MKI67: variants seen among roughly 807,000 people sequenced by gnomAD.
MKI67 encodes proliferation marker protein Ki-67.
A neutral mutation model predicts 233.5 loss-of-function variants in MKI67; 152 were observed. The observed-to-expected ratio is 0.65, with a 90% CI of 0.57 to 0.74. The LOEUF is 0.74. MKI67 is among the 30% of genes least tolerant of loss of function. MKI67 has a pLI of 0.00. For missense variants in MKI67, 3,940 were observed against 3,885.2 expected (o/e 1.01, Z -0.37); for synonymous variants, 1,465 against 1,418.5 (o/e 1.03, Z -0.74).
chr10:128,100,922 A>G (rs1335701806), intron 14 of MKI67, among the ~76,000 whole-genome samples: 1 of 152,228 alleles, frequency 6.6e-6, no homozygotes, highest in Non-Finnish European at 1.5e-5. Flanking sequence ...GTGATTTTGA[A>G]CTACAGAAAG....
chr10:128,114,820 T>TA (rs1337733391), intron 7 of MKI67, 108 bp downstream of exon 7: 8 of 1,145,362 alleles, frequency 7.0e-6, no homozygotes, highest in Non-Finnish European at 7.4e-6. Flanking sequence ...CTTATGTGCT[T>TA]ACATTCTCTT....
intron 2 of MKI67, among the ~76,000 whole-genome samples, chr10:128,123,913 G>A (rs1231586084): frequency 6.6e-6 from 1 of 152,192 alleles, no homozygotes; most frequent in Non-Finnish European, 1.5e-5. Flanking sequence ...AATCAGAAGA[G>A]TTTGTTAGTA....
At position 128,107,571 on chromosome 10, in the gene MKI67, T is replaced by A. The variant is rs1462816316; in HGVS notation, c.4269A>T (p.Val1423=). 1 of 1,614,156 alleles carries A rather than the reference T, an allele frequency of 6.2e-7. No homozygotes were observed. Among genetic ancestry groups the A allele is most frequent in the Non-Finnish European group, 8.5e-7 (1 of 1,180,028 alleles). The change falls in exon 13 of 15, where the codon GTA becomes GTT. Residue 1423 remains valine (V), a synonymous_variant. Coordinates refer to ENST00000368654, the MANE Select transcript of MKI67 (RefSeq NM_002417.5). ...TGATGCTTTTATCCTCACCTCCTGG[T>A]ACTTTATCTGTGTGTGTGGTTTCCC... is the stretch of plus-strand genomic sequence containing the variant. ...TSGETTHTDK[V]PGGEDKSINA... is the part of the protein sequence containing the mutation.
chr10:128,106,399 C>T lies in MKI67; in HGVS notation c.5441G>A (p.Gly1814Asp). The T allele has an allele frequency of 6.2e-7, 1 of 1,613,906 alleles. No homozygotes were observed. The highest frequency in any genetic ancestry group is 8.5e-7 in the Non-Finnish European group (1 of 1,180,000). ...QKLDQPGNLP[G>D]SNRRLQTRKE... The stretch of plus-strand genomic sequence containing the variant: ...ACGAGTTTGTAGCCGTCTATTGCTG[C>T]CAGGTAAATTTCCTGGCTGGTCCAG... Residue 1814 changes from glycine (G) to aspartate (D), a missense_variant, in exon 13 of 15, where the codon GGC (glycine) becomes GAC (aspartate). By Grantham distance (94) the Gly-to-Asp change is moderately conservative. Transcript: ENST00000368654.
At chr10:128,124,344 T>C (rs2136153161) in intron 2 of MKI67, among the ~76,000 whole-genome samples, 1 of 152,326 alleles carries the variant, frequency 6.6e-6, no homozygotes, top group South Asian at 2.1e-4. Flanking sequence ...TTGGCACTGT[T>C]GACATCTTGG....
Position 128,114,953 on chromosome 10 carries a change from A to T in MKI67, c.1455T>A (p.Asp485Glu), listed in dbSNP as rs746752826. The change falls in exon 7 of 15, where the codon GAT (aspartate) becomes GAA (glutamate). Residue 485 changes from aspartate (D) to glutamate (E), a missense_variant. Coordinates refer to ENST00000368654, the MANE Select transcript of MKI67 (RefSeq NM_002417.5). ...CSGLPGLSSVDINNFGDSINE... is the reference protein window; with the variant it reads ...CSGLPGLSSVEINNFGDSINE... ...TAATGGAATCACCAAAGTTGTTGATATCAACTGAACTAAGACCAGGTAACC... is the reference window on the plus strand; with the variant it reads ...TAATGGAATCACCAAAGTTGTTGATTTCAACTGAACTAAGACCAGGTAACC... The T allele has an allele frequency of 1.3e-5, 21 of 1,558,898 alleles. No individual in the cohort carries two copies. Among genetic ancestry groups the T allele is most frequent in the Non-Finnish European group, 1.8e-5 (21 of 1,152,424 alleles).
At position 128,104,714 on chromosome 10, in the gene MKI67, G is replaced by A. The variant is rs201490703; in HGVS notation, c.7126C>T (p.Leu2376Phe). The part of the protein sequence containing the change: ...KADVEEEFLA[L>F]RKRTPSAGKA... ...CCTGCTGATGGTGTTCGTTTCCTGA[G>A]TGCTAAAAATTCTTCCTCTACGTCT... is the stretch of plus-strand genomic sequence containing the variant. Residue 2376 changes from leucine (L) to phenylalanine (F), a missense_variant, in exon 13 of 15, where the codon CTC (leucine) becomes TTC (phenylalanine). Transcript: ENST00000368654. 13 of 1,613,980 alleles carry A rather than the reference G, an allele frequency of 8.1e-6. No individual in the cohort carries two copies. Among genetic ancestry groups the A allele is most frequent in the South Asian group, 7.7e-5 (7 of 91,080 alleles).
chr10:128,117,191 T>C (rs1230404655), intron 5 of MKI67, among the ~76,000 whole-genome samples: 4 of 151,958 alleles, frequency 2.6e-5, no homozygotes, highest in Non-Finnish European at 5.9e-5. Flanking sequence ...AAACATCACC[T>C]ATACTGAAGA....
chr10:128,120,740 C>A (rs1161704477), intron 4 of MKI67, among the ~76,000 whole-genome samples: 1 of 151,980 alleles, frequency 6.6e-6, no homozygotes, highest in African/African-American at 2.4e-5. Flanking sequence ...ACAAGAGACG[C>A]AATTTTGATT....
At position 128,109,093 on chromosome 10, in the gene MKI67, T is replaced by C; in HGVS notation, c.2747A>G (p.Gln916Arg). Residue 916 changes from glutamine (Q) to arginine (R), a missense_variant, in exon 13 of 15, where the codon CAA becomes CGA. Gln to Arg is a conservative substitution (Grantham distance 43). Transcript: ENST00000368654. ...KRGQKATLLQ[Q>R]RREGEMKEIE... is the part of the protein sequence containing the mutation. The stretch of plus-strand genomic sequence containing the variant: ...TTCCTTCATCTCTCCTTCTCTCCTT[T>C]GTTGTAGTAGTGTTGCCTTCTGACC... The C allele has an allele frequency of 6.2e-7, 1 of 1,614,268 alleles. No individual in the cohort carries two copies. Among genetic ancestry groups the C allele is most frequent in the South Asian group, 1.1e-5 (1 of 91,088 alleles).
rs776377194 is a variant in MKI67 at position 128,108,813 on chromosome 10, T to C, written c.3027A>G (p.Ser1009=). 2 of 1,614,222 alleles carry C rather than the reference T, an allele frequency of 1.2e-6. No individual in the cohort carries two copies. The highest frequency in any genetic ancestry group is 1.1e-5 in the South Asian group (1 of 91,088). Residue 1009 remains serine, a synonymous_variant, in exon 13 of 15, where the codon TCA becomes TCG. Transcript: ENST00000368654. The part of the protein sequence containing the change: ...KGKITKMPCQ[S]LQPEPINTPT... ...GGGTGTTTATTGGTTCTGGTTGTAA[T>C]GACTGGCAGGGCATTTTAGTGATTT... is the stretch of plus-strand genomic sequence containing the variant.
rs1178020911 is a variant in MKI67, at chr10:128,125,787, C to T, written c.-89-31G>A. 4.7e-6 allele frequency: 4 copies of T among 846,206 alleles called. No individual in the cohort carries two copies. Among genetic ancestry groups the T allele is most frequent in the Admixed American group, 3.9e-5 (2 of 51,026 alleles). 52.4% of individuals were successfully genotyped at this position (846,206 alleles called of 1,614,324 possible). A position where few individuals can be genotyped will look rare whatever the true frequency, so the allele number is the denominator to read the frequency against. On this transcript the variant is annotated intron_variant, in intron 1 of 14. Transcript: ENST00000368654. This position sits in a 1 kb window ranked among gnomAD's most constrained non-coding sequence, Gnocchi z 5.3. ...AAAGAGGTGCGAGTTACTCTGATAG[C>T]AAAGGAGCTAAGAAGGGCCCCGTGC...
Position 128,113,562 on chromosome 10 carries a change from G to T in MKI67, c.1521C>A (p.Ser507=). The change falls in exon 8 of 15, where the codon TCC becomes TCA. Residue 507 remains serine, a synonymous_variant. Transcript: ENST00000368654. ...GTTCAGGTCTTAGGTGCCCACCAAA[G>T]GACACACGCCTTCTTTTCAAAGGTA... ...EGIPLKRRRV[S]FGGHLRPELF... is the part of the protein sequence containing the mutation. 1 of 1,614,162 alleles carries T rather than the reference G, an allele frequency of 6.2e-7. No homozygotes were observed. The highest frequency in any genetic ancestry group is 8.5e-7 in the Non-Finnish European group (1 of 1,180,028).
chr10:128,123,096 G>A lies in MKI67; in HGVS notation c.166C>T (p.Gln56Ter). 6.2e-7 allele frequency: 1 copy of A among 1,613,378 alleles called. No homozygotes were observed. The highest frequency in any genetic ancestry group is 2.2e-5 in the East Asian group (1 of 44,830). Residue 56 changes from glutamine (Q) to a stop codon, truncating the protein, a stop_gained, in exon 3 of 15, where the codon CAG (glutamine) becomes TAG (stop). Coordinates refer to ENST00000368654, the MANE Select transcript of MKI67 (RefSeq NM_002417.5). LOFTEE classifies it high-confidence loss of function. ...KQHCKIEIHEQEAILHNFSST... is the reference protein window; with the variant it reads ...KQHCKIEIHE ...TCTTCAAAAAACCCACTCACCTCCT[G>A]CTCATGGATTTCAATTTTGCAATGT...
chr10:128,113,691 A>G, intron 7 of MKI67, 89 bp from the exon 8 acceptor site: 1 of 1,232,974 alleles, frequency 8.1e-7, no homozygotes, highest in Non-Finnish European at 1.2e-6. Flanking sequence ...AAGACAAACC[A>G]AGTGAAAAGT....
At position 128,111,676 on chromosome 10, in the gene MKI67, G is replaced by T. The variant is rs1174702351; in HGVS notation, c.2229C>A (p.Asn743Lys). 6.2e-7 allele frequency: 1 copy of T among 1,607,578 alleles called. No homozygotes were observed. The highest frequency in any genetic ancestry group is 1.1e-5 in the South Asian group (1 of 89,386). The change falls in exon 11 of 15, where the codon AAC becomes AAA. Residue 743 changes from asparagine to lysine, a missense_variant. Coordinates refer to ENST00000368654, the MANE Select transcript of MKI67 (RefSeq NM_002417.5). ...GATCTTCCTTAAAGTCCATTTTTTG[G>T]TTGGAAATGAAGTTGTTGAGCACTC... is the stretch of plus-strand genomic sequence containing the variant. ...PYRVLNNFIS[N>K]QKMDFKEDLS...
In MKI67 at chr10:128,119,257, T is replaced by A; in HGVS notation, c.350A>T (p.Glu117Val). 1.2e-6 allele frequency: 2 copies of A among 1,603,130 alleles called. No homozygotes were observed. Among genetic ancestry groups the A allele is most frequent in the South Asian group, 2.2e-5 (2 of 90,694 alleles). Reference protein sequence around the residue: ...KSTEFPRKIREQEPARRVSRS... With the variant: ...KSTEFPRKIRVQEPARRVSRS... ...AACTTGGATATTTTCTATCACCTGT[T>A]CACGTATTTTTCTTGGAAATTCAGT... is the stretch of plus-strand genomic sequence containing the variant. The change falls in exon 5 of 15, where the codon GAA becomes GTA. Residue 117 changes from glutamate (E) to valine (V), a missense_variant. Physicochemically the swap from Glu to Val is moderately radical, Grantham distance 121. Coordinates refer to ENST00000368654, the MANE Select transcript of MKI67 (RefSeq NM_002417.5).
Position 128,113,488 on chromosome 10 carries a change from G to C in MKI67, c.1595C>G (p.Ala532Gly). 1 of 1,614,114 alleles carries C rather than the reference G, an allele frequency of 6.2e-7. No individual in the cohort carries two copies. The highest frequency in any genetic ancestry group is 8.5e-7 in the Non-Finnish European group (1 of 1,180,020). The change falls in exon 8 of 15, where the codon GCC becomes GGC. Residue 532 changes from alanine (A) to glycine (G), a missense_variant. Ala to Gly is a moderately conservative substitution (Grantham distance 60, BLOSUM62 0). Coordinates refer to ENST00000368654, the MANE Select transcript of MKI67 (RefSeq NM_002417.5). ...PPNTPLKRGE[A>G]PTKRKSLVMH... ...TACCAGAGACTTTCTTTTGGTTGGGGCTTCTCCCCTTTTGAGAGGCGTATT... is the reference window on the plus strand; with the variant it reads ...TACCAGAGACTTTCTTTTGGTTGGGCCTTCTCCCCTTTTGAGAGGCGTATT...
At chr10:128,122,241 C>G (rs1427661484) in intron 4 of MKI67, among the ~76,000 whole-genome samples, 2 of 152,088 alleles carry the variant, frequency 1.3e-5, no homozygotes, top group African/African-American at 4.8e-5. Context: ...CTCTGTGCCT[C>G]TCTCCTTGAC....
Sources: allele counts gnomAD v4.1 joint callset (sites outside exome capture counted in the v4.1 genomes callset), GRCh38; gene constraint gnomAD v4.1.1; non-coding constraint Gnocchi (gnomAD v3.1); transcripts MANE v1.5; gene names NCBI Gene and HGNC (gene_info 2026-07-23, HGNC 2026-07-21).